Variants in EGFR observed in about 807,000 individuals in gnomAD.
EGFR encodes the protein epidermal growth factor receptor.
Under a neutral mutation model 143.0 loss-of-function variants are expected in EGFR, and 58 were observed. The observed-to-expected ratio is 0.41, with a 90% CI of 0.33 to 0.50. The LOEUF (loss-of-function observed/expected upper bound fraction) is 0.50, where lower values mean the gene tolerates loss of function less well. EGFR is among the 20% of genes least tolerant of loss of function. The pLI, the probability that EGFR is intolerant of heterozygous loss-of-function variation, is 0.39. For synonymous variants in EGFR, 613 were observed against 594.4 expected (o/e 1.03, Z -0.45); for missense variants, 1,307 against 1,579.0 (o/e 0.83, Z 2.92).
At chr7:55,044,716 C>CA (rs1454119628) in intron 1 of EGFR, among the ~76,000 whole-genome samples, 1 of 152,154 alleles carries the variant, frequency 6.6e-6, no homozygotes, top group Non-Finnish European at 1.5e-5. Flanking sequence ...TGTTTCCCGC[C>CA]GCCCCCCGCA....
At position 55,023,859 on chromosome 7, in the gene EGFR, GT is replaced by G. The variant is rs1421311608; in HGVS notation, c.88+4498del. Among the ~76,000 whole-genome samples, 6 of 152,178 alleles carry G rather than the reference GT, an allele frequency of 3.9e-5. No individual in the cohort carries two copies. In the South Asian group the frequency reaches 1.2e-3, roughly 32 times the overall value. ...GGCCATCCCCATTAAACATCATAGT[GT>G]TTTCTCATTCGTTCTTTTTCGTTTT... is the stretch of plus-strand genomic sequence containing the variant. On this transcript the variant is annotated intron_variant, in intron 1 of 27. Transcript: ENST00000275493.
chr7:55,103,233 C>A (rs995722370), intron 1 of EGFR, among the ~76,000 whole-genome samples: 2 of 152,144 alleles, frequency 1.3e-5, no homozygotes, highest in Non-Finnish European at 2.9e-5. Context: ...AGTTGATGAC[C>A]TTTCCCAGTC....
chr7:55,080,888 G>A (rs966677714), intron 1 of EGFR, among the ~76,000 whole-genome samples: 1 of 152,090 alleles, frequency 6.6e-6, no homozygotes, highest in Non-Finnish European at 1.5e-5. Context: ...ACAGGTGTGG[G>A]ATAGCCCTCC....
chr7:55,128,444 A>G (rs1470405167), intron 1 of EGFR, among the ~76,000 whole-genome samples: 1 of 152,274 alleles, frequency 6.6e-6, no homozygotes, highest in African/African-American at 2.4e-5. Context: ...TATTTTAAAA[A>G]GTTTAATGAA....
chr7:55,173,777 T>C (rs2128953235), intron 17 of EGFR, 144 bp from the exon 18 acceptor site: 3 of 1,302,222 alleles, frequency 2.3e-6, no homozygotes, highest in Non-Finnish European at 3.3e-6. Context: ...CATTTGTCCT[T>C]CCAAATGAGC....
At chr7:55,026,152 G>C (rs1439843030) in intron 1 of EGFR, among the ~76,000 whole-genome samples, 1 of 152,112 alleles carries the variant, frequency 6.6e-6, no homozygotes, top group African/African-American at 2.4e-5. Flanking sequence ...AAGCTCCCTT[G>C]GCAATTCTGA....
At chr7:55,099,649 G>A (rs1480327333) in intron 1 of EGFR, among the ~76,000 whole-genome samples, 2 of 152,182 alleles carry the variant, frequency 1.3e-5, no homozygotes, top group Non-Finnish European at 2.9e-5. Flanking sequence ...GTGTCCACCT[G>A]GGACTCTGCC....
chr7:55,039,618 G>A (rs1787789994), intron 1 of EGFR, among the ~76,000 whole-genome samples: 1 of 152,218 alleles, frequency 6.6e-6, no homozygotes, highest in Non-Finnish European at 1.5e-5. Flanking sequence ...GCAGTCGCTT[G>A]TGGGTTTGTG....
intron 1 of EGFR, among the ~76,000 whole-genome samples, chr7:55,120,485 G>A (rs1427919245): frequency 2.6e-5 from 4 of 152,214 alleles, no homozygotes; most frequent in East Asian, 1.9e-4. Context: ...CCACAAGGAC[G>A]TTTACATGGA....
At chr7:55,142,627 A>G (rs911749747) in intron 2 of EGFR, among the ~76,000 whole-genome samples, 190 bp downstream of exon 2, 1 of 152,258 alleles carries the variant, frequency 6.6e-6, no homozygotes. Flanking sequence ...AGAAAAGGAT[A>G]TCAAATAGAA....
At chr7:55,044,896 C>T (rs754628913) in intron 1 of EGFR, among the ~76,000 whole-genome samples, 8 of 152,172 alleles carry the variant, frequency 5.3e-5, no homozygotes, top group Non-Finnish European at 7.3e-5. Context: ...AGAGGTTCTG[C>T]GATTGTCTAA....
Position 55,205,750 on chromosome 7 carries a change from C to T in EGFR, c.*133C>T, listed in dbSNP as rs1043348062. 13 of 1,405,950 alleles carry T rather than the reference C, an allele frequency of 9.2e-6. No individual in the cohort carries two copies. In the Admixed American group the frequency reaches 2.1e-4, roughly 23 times the overall value. 87.1% of individuals were successfully genotyped at this position (1,405,950 alleles called of 1,614,324 possible). ...CCACAGACTGGTTTTGCAACGTTTA[C>T]ACCGACTAGCCAGGAAGTACTTCCA... On this transcript the variant is annotated 3_prime_UTR_variant, in exon 28 of 28. Coordinates refer to ENST00000275493, the MANE Select transcript of EGFR (RefSeq NM_005228.5).
Position 55,122,015 on chromosome 7 carries a change from A to C in EGFR, c.89-20271A>C, listed in dbSNP as rs192577240. ...CACTATCCAAAAAGACTTGGAGGGGAGACCTGAGCCCACTTCTGGAAGGAA... is the reference window on the plus strand; with the variant it reads ...CACTATCCAAAAAGACTTGGAGGGGCGACCTGAGCCCACTTCTGGAAGGAA... On this transcript the variant is annotated intron_variant, in intron 1 of 27. Transcript: ENST00000275493. 5.9e-4 allele frequency among the ~76,000 whole-genome samples: 90 copies of C among 152,288 alleles called. 1 individual carries two copies. In the East Asian group the frequency reaches 0.017, roughly 28 times the overall value.
At chr7:55,093,847 T>C (rs1298616864) in intron 1 of EGFR, among the ~76,000 whole-genome samples, 1 of 152,224 alleles carries the variant, frequency 6.6e-6, no homozygotes, top group East Asian at 1.9e-4. Flanking sequence ...GAATCATGCC[T>C]GGATGCCACA....
intron 1 of EGFR, among the ~76,000 whole-genome samples, chr7:55,074,272 G>A (rs1203372372): frequency 2.0e-5 from 3 of 152,222 alleles, no homozygotes; most frequent in Non-Finnish European, 4.4e-5. Context: ...GGTCCAGGAG[G>A]AAATTCGGAA....
chr7:55,020,005 T>C (rs1264065867), intron 1 of EGFR, among the ~76,000 whole-genome samples: 1 of 152,162 alleles, frequency 6.6e-6, no homozygotes, highest in African/African-American at 2.4e-5. Flanking sequence ...CCCGCGATCC[T>C]CGTTCCCCAG....
intron 14 of EGFR, among the ~76,000 whole-genome samples, chr7:55,164,501 T>C (rs1785869372): frequency 6.6e-6 from 1 of 152,214 alleles, no homozygotes; most frequent in Non-Finnish European, 1.5e-5. Flanking sequence ...GCGTGGCTGC[T>C]TACAAAGTAA....
chr7:55,176,143 T>G (rs1425678351), intron 19 of EGFR, among the ~76,000 whole-genome samples: 3 of 152,260 alleles, frequency 2.0e-5, no homozygotes, highest in Admixed American at 6.5e-5. Context: ...GGAAAATCTT[T>G]GTGCACAATT....
intron 1 of EGFR, among the ~76,000 whole-genome samples, chr7:55,112,739 A>G (rs1025921472): frequency 1.3e-5 from 2 of 152,206 alleles, no homozygotes; most frequent in South Asian, 2.1e-4. Flanking sequence ...TTTGTAGACT[A>G]TGGAATTGCT....
Sources: allele counts gnomAD v4.1 joint callset (sites outside exome capture counted in the v4.1 genomes callset), GRCh38; gene constraint gnomAD v4.1.1; transcripts MANE v1.5; gene names NCBI Gene and HGNC (gene_info 2026-07-23, HGNC 2026-07-21).